Variants in SRR observed in about 807,000 individuals in gnomAD.
The protein encoded by SRR is serine racemase, also known as D-serine ammonia-lyase.
SRR carries 19 observed loss-of-function variants against 32.7 expected under a neutral mutation model. The ratio of observed to expected loss-of-function variants is 0.58; its 90% CI spans 0.40 to 0.85. SRR has a LOEUF of 0.85. SRR is among the 40% of genes least tolerant of loss of function. The probability of loss-of-function intolerance (pLI) is 0.00; values close to 1 mark genes in which losing one functional copy is unlikely to be tolerated. For synonymous variants in SRR, 142 were observed against 140.9 expected (o/e 1.01, Z -0.06); for missense variants, 373 against 404.7 (o/e 0.92, Z 0.67).
At position 2,318,882 on chromosome 17, in the gene SRR, A is replaced by G. The variant is rs765711761; in HGVS notation, c.352A>G (p.Ile118Val). 1.9e-6 allele frequency: 3 copies of G among 1,613,902 alleles called. No individual in the cohort carries two copies. The highest frequency in any genetic ancestry group is 1.3e-5 in the African/African-American group (1 of 74,976). ...AGCTCCAGACTGTAAAAAACTTGCA[A>G]TACAAGCCTACGGAGCGTCAATTGT... ...QTAPDCKKLA[I>V]QAYGASIVYC... Residue 118 changes from isoleucine (I) to valine (V), a missense_variant, in exon 4 of 8, where the codon ATA becomes GTA. Coordinates refer to ENST00000344595, the MANE Select transcript of SRR (RefSeq NM_021947.3).
rs767105004 is a variant in SRR at position 2,317,899 on chromosome 17, C to CT, written c.200dup (p.Leu67PhefsTer4). ...GTGGTGCTCTCAATGCCGTCAGAAG[C>CT]TTGGTTCCTGATGCTTTAGAAAGGA... On this transcript the variant is annotated frameshift_variant, in exon 3 of 8. Transcript: ENST00000344595. LOFTEE classifies it high-confidence loss of function. 6.8e-6 allele frequency: 11 copies of CT among 1,613,844 alleles called. No homozygotes were observed. The Admixed American group carries it at 1.8e-4, about 27-fold the overall frequency.
rs761541534 is a variant in SRR, at chr17:2,321,601, A to T, written c.579A>T (p.Ile193=). The change falls in exon 6 of 8, where the codon ATA becomes ATT. Residue 193 remains isoleucine (I), a synonymous_variant. Coordinates refer to ENST00000344595, the MANE Select transcript of SRR (RefSeq NM_021947.3). ...GTGGAGGAGGAATGCTTGCTGGAAT[A>T]GCAATTACAGTTAAGGTGAGCAGCT... is the stretch of plus-strand genomic sequence containing the variant. ...PVGGGGMLAG[I]AITVKALKPS... 6.2e-7 allele frequency: 1 copy of T among 1,613,980 alleles called. No homozygotes were observed. Among genetic ancestry groups the T allele is most frequent in the South Asian group, 1.1e-5 (1 of 91,078 alleles).
At chr17:2,321,260 A>T (rs1307271908) in intron 4 of SRR, 46 bp from the exon 5 acceptor site, 4 of 1,600,148 alleles carry the variant, frequency 2.5e-6, no homozygotes, top group Non-Finnish European at 2.6e-6. Flanking sequence ...CTTGTTGGGG[A>T]CTCTATTAAA....
In SRR at chr17:2,324,277, A is replaced by C; in HGVS notation, c.*404A>C. 6.4e-7 allele frequency: 1 copy of C among 1,554,976 alleles called. No individual in the cohort carries two copies. Among genetic ancestry groups the C allele is most frequent in the Non-Finnish European group, 8.6e-7 (1 of 1,156,128 alleles). The stretch of plus-strand genomic sequence containing the variant: ...CTGGTTCTGGTACATATGGATCATA[A>C]GTCCATTTGGGGAAGACTCGTTTAT... On this transcript the variant is annotated 3_prime_UTR_variant, in exon 8 of 8. Transcript: ENST00000344595.
chr17:2,321,490 T>C (rs1458737697), intron 5 of SRR, 52 bp from the exon 6 acceptor site: 1 of 1,612,840 alleles, frequency 6.2e-7, no homozygotes, highest in Non-Finnish European at 8.5e-7. Flanking sequence ...TCAATTATTT[T>C]ATATGTATAC....
chr17:2,315,725 T>A lies in SRR; in HGVS notation c.165T>A (p.Phe55Leu), dbSNP rs753267380. Residue 55 changes from phenylalanine to leucine, a missense_variant, in exon 2 of 8, where the codon TTT (phenylalanine) becomes TTA (leucine). Physicochemically the swap from Phe to Leu is conservative, Grantham distance 22. Transcript: ENST00000344595. ...KCELFQKTGS[F>L]KIRGALNAVR... ...AACTCTTCCAGAAAACAGGATCTTTTAAGGTAACAATCCTTTTTCTCAGTG... is the reference window on the plus strand; with the variant it reads ...AACTCTTCCAGAAAACAGGATCTTTAAAGGTAACAATCCTTTTTCTCAGTG... 5.6e-6 allele frequency: 9 copies of A among 1,613,310 alleles called. No individual in the cohort carries two copies. The highest frequency in any genetic ancestry group is 5.5e-5 in the South Asian group (5 of 90,986).
At chr17:2,303,532 G>A (rs1473462190), upstream of SRR, 3 of 1,338,168 alleles carry the variant, frequency 2.2e-6, no homozygotes, top group Non-Finnish European at 2.9e-6. Flanking sequence ...GGGAAGGGGC[G>A]GGGGCTCCGG....
Position 2,315,573 on chromosome 17 carries a change from T to A in SRR, c.13T>A (p.Tyr5Asn). Residue 5 changes from tyrosine to asparagine, a missense_variant, in exon 2 of 8, where the codon TAT becomes AAT. By Grantham distance (143) the Tyr-to-Asn change is moderately radical. Transcript: ENST00000344595. MCAQ[Y>N]CISFADVEKA... Reference sequence around the variant, plus strand: ...GGGTTTCAGAACCATGTGTGCTCAGTATTGCATCTCCTTTGCTGATGTTGA... The same window carrying A: ...GGGTTTCAGAACCATGTGTGCTCAGAATTGCATCTCCTTTGCTGATGTTGA... 1 of 1,613,904 alleles carries A rather than the reference T, an allele frequency of 6.2e-7. No individual in the cohort carries two copies. The highest frequency in any genetic ancestry group is 8.5e-7 in the Non-Finnish European group (1 of 1,179,934).
chr17:2,306,276 A>C (rs919095256), intron 1 of SRR, among the ~76,000 whole-genome samples: 11 of 152,038 alleles, frequency 7.2e-5, no homozygotes, highest in African/African-American at 1.9e-4. Context: ...AGATTGCTCC[A>C]CTGCACTCCA....
chr17:2,303,662 G>C (rs1482750051), upstream of SRR: 7 of 1,493,020 alleles, frequency 4.7e-6, no homozygotes, highest in Non-Finnish European at 5.3e-6. Context: ...GGCCAGAGTA[G>C]CCAGGATCCC....
At chr17:2,307,110 A>C in intron 1 of SRR, 1 of 1,122,334 alleles carries the variant, frequency 8.9e-7, no homozygotes, top group Non-Finnish European at 1.3e-6. Flanking sequence ...AAGACACTGA[A>C]GAATATCACC....
upstream of SRR, chr17:2,303,818 G>T (rs1410192621): frequency 2.0e-6 from 2 of 1,013,922 alleles, no homozygotes; most frequent in African/African-American, 1.7e-5. Context: ...CCCACCTCCC[G>T]GCCTTTCCCC....
chr17:2,320,072 C>T (rs1312807319), intron 4 of SRR, among the ~76,000 whole-genome samples: 1 of 151,750 alleles, frequency 6.6e-6, no homozygotes, highest in Non-Finnish European at 1.5e-5. Flanking sequence ...CCCACCTCGG[C>T]CTCCCAAAGT....
intron 4 of SRR, 28 bp from the exon 5 acceptor site, chr17:2,321,274 AAATC>A (rs772927079): frequency 1.2e-6 from 2 of 1,609,088 alleles, no homozygotes; most frequent in African/African-American, 2.7e-5. Context: ...TATTAAATAC[AAATC>A]AATTAAGCTA....
Position 2,317,946 on chromosome 17 carries a change from A to G in SRR, c.245A>G (p.His82Arg). 1 of 1,613,972 alleles carries G rather than the reference A, an allele frequency of 6.2e-7. No individual in the cohort carries two copies. The highest frequency in any genetic ancestry group is 8.5e-7 in the Non-Finnish European group (1 of 1,179,946). The stretch of plus-strand genomic sequence containing the variant: ...AGGAAGCCGAAAGCTGTTGTTACTC[A>G]CAGCAGTGGAAACCATGGCCAGGCT... ...LERKPKAVVTHSSGNHGQALT... is the reference protein window; with the variant it reads ...LERKPKAVVTRSSGNHGQALT... Residue 82 changes from histidine (H) to arginine (R), a missense_variant, in exon 3 of 8, where the codon CAC becomes CGC. Physicochemically the swap from His to Arg is conservative, Grantham distance 29. Transcript: ENST00000344595.
At chr17:2,311,020 A>G (rs1328254143) in intron 1 of SRR, among the ~76,000 whole-genome samples, 5 of 151,964 alleles carry the variant, frequency 3.3e-5, no homozygotes, top group African/African-American at 7.2e-5. Context: ...TGCTGGGATT[A>G]CAGGCGTGAC....
Position 2,324,307 on chromosome 17 carries a change from G to A in SRR, c.*434G>A, listed in dbSNP as rs1173403404. 6.4e-7 allele frequency: 1 copy of A among 1,565,766 alleles called. No homozygotes were observed. The highest frequency in any genetic ancestry group is 1.2e-5 in the South Asian group (1 of 81,686). The stretch of plus-strand genomic sequence containing the variant: ...ATTTGGGGAAGACTCGTTTATACAG[G>A]TTCATCAGTACTGTGTCTTGAGATT... On this transcript the variant is annotated 3_prime_UTR_variant, in exon 8 of 8. Transcript: ENST00000344595.
chr17:2,323,271 A>G lies in SRR; in HGVS notation c.730A>G (p.Ile244Val). 6.2e-7 allele frequency: 1 copy of G among 1,614,190 alleles called. No individual in the cohort carries two copies. Among genetic ancestry groups the G allele is most frequent in the Non-Finnish European group, 8.5e-7 (1 of 1,180,010 alleles). ...CATAGCAGATGGTGTCAAATCCAGC[A>G]TTGGCTTGAACACCTGGCCTATTAT... ...ETIADGVKSSIGLNTWPIIRD... is the reference protein window; with the variant it reads ...ETIADGVKSSVGLNTWPIIRD... Residue 244 changes from isoleucine to valine, a missense_variant, in exon 7 of 8, where the codon ATT becomes GTT. Transcript: ENST00000344595.
At chr17:2,303,500 C>T (rs891179285), upstream of SRR, 3 of 1,327,590 alleles carry the variant, frequency 2.3e-6, no homozygotes, top group African/African-American at 4.6e-5. Flanking sequence ...GGGTCCGCCG[C>T]GGCCCCAGCG....
Sources: gnomAD v4.1 joint callset for allele counts (sites outside exome capture counted in the v4.1 genomes callset) on GRCh38, gnomAD v4.1.1 for gene constraint, MANE v1.5 for transcripts, NCBI Gene and HGNC (gene_info 2026-07-23, HGNC 2026-07-21) for gene names.